CFAP20DC: variants seen among roughly 807,000 people sequenced by gnomAD.
CFAP20DC encodes CFAP20 domain containing.
Under a neutral mutation model 101.7 loss-of-function variants are expected in CFAP20DC, and 84 were observed. The observed-to-expected ratio is 0.83, with a 90% CI of 0.69 to 0.99. The LOEUF is 0.99. CFAP20DC is among the 50% of genes least tolerant of loss of function. The pLI is 0.00. For synonymous variants in CFAP20DC, 359 were observed against 351.2 expected (o/e 1.02, Z -0.25); for missense variants, 1,007 against 970.3 (o/e 1.04, Z -0.50).
intron 15 of CFAP20DC, among the ~76,000 whole-genome samples, chr3:58,769,577 T>G (rs569818320): frequency 1.3e-5 from 2 of 152,070 alleles, no homozygotes; most frequent in South Asian, 2.1e-4. Context: ...GAGGAAGAAC[T>G]TGTAAGGAGA....
At chr3:58,812,224 T>G (rs1330283492) in intron 14 of CFAP20DC, among the ~76,000 whole-genome samples, 1 of 152,132 alleles carries the variant, frequency 6.6e-6, no homozygotes, top group African/African-American at 2.4e-5. Flanking sequence ...CAAAGGACTA[T>G]AAATCATGCT....
intron 3 of CFAP20DC, among the ~76,000 whole-genome samples, chr3:58,718,975 G>A (rs2067433032): frequency 6.6e-6 from 1 of 152,172 alleles, no homozygotes; most frequent in African/African-American, 2.4e-5. Flanking sequence ...AGGTGTGGTG[G>A]CTCATGCTTG....
chr3:58,817,697 C>T (rs1207542689), intron 14 of CFAP20DC, among the ~76,000 whole-genome samples: 2 of 149,760 alleles, frequency 1.3e-5, no homozygotes, highest in Admixed American at 1.3e-4. Flanking sequence ...GAGAATGGAA[C>T]CAAGTTGGAA....
chr3:58,959,452 CA>C (rs1317809792), intron 4 of CFAP20DC, among the ~76,000 whole-genome samples: 2 of 152,140 alleles, frequency 1.3e-5, no homozygotes, highest in African/African-American at 4.8e-5. Context: ...CAGTGTGAGG[CA>C]AGGTTCTAAA....
intron 14 of CFAP20DC, among the ~76,000 whole-genome samples, chr3:58,823,723 TTTAAG>T (rs2075849961): frequency 6.6e-6 from 1 of 152,124 alleles, no homozygotes; most frequent in East Asian, 1.9e-4. Context: ...GTGGTGACTA[TTTAAG>T]TTTTTGAATA....
At chr3:58,815,741 CA>C (rs2075071101) in intron 14 of CFAP20DC, among the ~76,000 whole-genome samples, 1 of 150,128 alleles carries the variant, frequency 6.7e-6, no homozygotes, top group Admixed American at 6.6e-5. Flanking sequence ...TTTATGCAGC[CA>C]AAAAACACAT....
chr3:58,811,140 T>G (rs910910070), intron 14 of CFAP20DC, among the ~76,000 whole-genome samples: 1 of 152,106 alleles, frequency 6.6e-6, no homozygotes, highest in African/African-American at 2.4e-5. Flanking sequence ...CAAGGTAATT[T>G]ATAGATGCAA....
At chr3:58,970,148 A>T (rs1314514984) in intron 4 of CFAP20DC, among the ~76,000 whole-genome samples, 2 of 152,206 alleles carry the variant, frequency 1.3e-5, no homozygotes, top group Admixed American at 1.3e-4. Context: ...CATTACTATG[A>T]AACACACTAG....
intron 14 of CFAP20DC, among the ~76,000 whole-genome samples, chr3:58,806,950 G>A (rs1213029835): frequency 1.3e-5 from 2 of 152,166 alleles, no homozygotes; most frequent in Non-Finnish European, 1.5e-5. Context: ...CTACGCCCAC[G>A]GAGTCTCACT....
intron 14 of CFAP20DC, among the ~76,000 whole-genome samples, chr3:58,809,722 T>C (rs895223648): frequency 7.9e-5 from 12 of 151,630 alleles, no homozygotes; most frequent in African/African-American, 1.9e-4. Context: ...CTGAGGGAAA[T>C]AGAAACACAA....
intron 4 of CFAP20DC, among the ~76,000 whole-genome samples, chr3:58,974,039 G>A (rs896429969): frequency 1.3e-5 from 2 of 152,074 alleles, no homozygotes; most frequent in Admixed American, 6.6e-5. Context: ...GGACAGGAGC[G>A]GGCTACCTCC....
chr3:58,829,889 G>T (rs1480724189), intron 14 of CFAP20DC, among the ~76,000 whole-genome samples: 1 of 152,120 alleles, frequency 6.6e-6, no homozygotes, highest in Admixed American at 6.5e-5. Flanking sequence ...GAATCAGCTC[G>T]ATCAGGAGGC....
intron 15 of CFAP20DC, among the ~76,000 whole-genome samples, chr3:58,802,904 T>C (rs2073812999): frequency 6.6e-6 from 1 of 151,770 alleles, no homozygotes; most frequent in Non-Finnish European, 1.5e-5. Context: ...TAAAAGTCTT[T>C]CCAGAATAAA....
Position 58,971,558 on chromosome 3 carries a change from A to T in CFAP20DC, c.279-33796T>A, listed in dbSNP as rs2091951027. Among the ~76,000 whole-genome samples the T allele has an allele frequency of 6.6e-6, 1 of 152,078 alleles. No individual in the cohort carries two copies. The highest frequency in any genetic ancestry group is 2.4e-5 in the African/African-American group (1 of 41,428). Reference sequence around the variant, plus strand: ...TACACGAAAATCTCACACATATTTAAATAGAGGACATTTCACAGGTACACA... The same window carrying T: ...TACACGAAAATCTCACACATATTTATATAGAGGACATTTCACAGGTACACA... On this transcript the variant is annotated intron_variant, in intron 4 of 16. Coordinates refer to ENST00000482387, the MANE Select transcript of CFAP20DC (RefSeq NM_001394063.1). This position sits in a 1 kb window ranked among gnomAD's most constrained non-coding sequence, Gnocchi z 4.1.
At chr3:58,873,758 T>C (rs1234852427) in intron 7 of CFAP20DC, among the ~76,000 whole-genome samples, 1 of 151,920 alleles carries the variant, frequency 6.6e-6, no homozygotes, top group African/African-American at 2.4e-5. Context: ...AGCAGAAGTC[T>C]GGATAGCTGT....
chr3:59,047,782 A>T (rs994949760), intron 1 of CFAP20DC, among the ~76,000 whole-genome samples: 1 of 152,178 alleles, frequency 6.6e-6, no homozygotes, highest in Non-Finnish European at 1.5e-5. Flanking sequence ...GGATTACATA[A>T]GATACTAAAC....
chr3:59,047,021 C>T (rs749593408), intron 2 of CFAP20DC, 144 bp downstream of exon 2: 1 of 615,938 alleles, frequency 1.6e-6, no homozygotes, highest in Non-Finnish European at 2.8e-6. Context: ...GTGTCCAGGA[C>T]AGCTGCAGCC....
chr3:58,741,698 G>A (rs2067892021), downstream of CFAP20DC, among the ~76,000 whole-genome samples: 3 of 151,852 alleles, frequency 2.0e-5, no homozygotes, highest in Non-Finnish European at 4.4e-5. Flanking sequence ...GGGTTTCACT[G>A]TGTTAGCCAG....
chr3:58,952,062 AG>A (rs2090176656), intron 4 of CFAP20DC, among the ~76,000 whole-genome samples: 1 of 152,162 alleles, frequency 6.6e-6, no homozygotes, highest in Non-Finnish European at 1.5e-5. Context: ...CATGATGGTT[AG>A]GGGGTAGGGT....
Sources: gnomAD v4.1 joint callset for allele counts (sites outside exome capture counted in the v4.1 genomes callset) on GRCh38, gnomAD v4.1.1 for gene constraint, Gnocchi (gnomAD v3.1) non-coding constraint, MANE v1.5 for transcripts, NCBI Gene and HGNC (gene_info 2026-07-23, HGNC 2026-07-21) for gene names.